USP6NL: variants seen among roughly 807,000 people sequenced by gnomAD.
USP6NL encodes USP6 N-terminal-like protein.
In USP6NL, 26 loss-of-function variants were observed where a neutral mutation model predicts 61.9. The ratio of observed to expected loss-of-function variants is 0.42; its 90% CI spans 0.31 to 0.58. USP6NL has a LOEUF of 0.58. Among genes scored for constraint, USP6NL ranks in the 20% least tolerant of loss-of-function variants. USP6NL has a pLI of 0.16. For synonymous variants in USP6NL, 432 were observed against 390.1 expected, an observed-to-expected ratio of 1.11 and a Z score of -1.27; for missense variants, 1,114 against 1,034.3, an observed-to-expected ratio of 1.08 and a Z score of -1.06.
intron 4 of USP6NL, among the ~76,000 whole-genome samples, chr10:11,519,140 G>A (rs959061301): frequency 6.6e-6 from 1 of 152,136 alleles, no homozygotes; most frequent in Non-Finnish European, 1.5e-5. Flanking sequence ...CTGTTCCCAC[G>A]AAACTTTTAC....
At chr10:11,471,934 C>A (rs1474221906) in intron 14 of USP6NL, among the ~76,000 whole-genome samples, 1 of 150,330 alleles carries the variant, frequency 6.7e-6, no homozygotes, top group Non-Finnish European at 1.5e-5. Flanking sequence ...ATGTAACAAA[C>A]CTGCACATTG....
rs1228944527 is a variant in USP6NL at position 11,575,905 on chromosome 10, TGAGGGGAAATACGG to T, written c.4+21712_4+21725del. On this transcript the variant is annotated intron_variant, in intron 2 of 14. Coordinates refer to ENST00000609104, the MANE Select transcript of USP6NL (RefSeq NM_014688.5). The surrounding 1 kb of genome is among the most constrained non-coding windows in gnomAD (Gnocchi z 4.2). ...AGATTAGATAGTAGGCCAAAAAGGG[TGAGGGGAAATACGG>T]GACATTTTGGGAGAAGAGGTGAAAT... Among the ~76,000 whole-genome samples, 1 of 151,492 alleles carries T rather than the reference TGAGGGGAAATACGG, an allele frequency of 6.6e-6. No individual in the cohort carries two copies. Among genetic ancestry groups the T allele is most frequent in the Non-Finnish European group, 1.5e-5 (1 of 67,882 alleles).
Position 11,485,251 on chromosome 10 carries a change from C to T in USP6NL, c.760-17G>A. ...TTGAGAATCCTGAAAAAACAAAGAG[C>T]TCACAATTTATGGATTGTAGCAAAC... On this transcript the variant is annotated splice_polypyrimidine_tract_variant and intron_variant, in intron 11 of 14. Coordinates refer to ENST00000609104, the MANE Select transcript of USP6NL (RefSeq NM_014688.5). The surrounding 1 kb of genome is among the most constrained non-coding windows in gnomAD (Gnocchi z 4.8). 2 of 1,513,708 alleles carry T rather than the reference C, an allele frequency of 1.3e-6. No individual in the cohort carries two copies. The highest frequency in any genetic ancestry group is 2.5e-5 in the East Asian group (1 of 40,620). The allele number at this position is 1,513,708 out of a possible 1,614,324, so 93.8% of individuals were successfully genotyped here.
intron 2 of USP6NL, among the ~76,000 whole-genome samples, chr10:11,593,814 C>T (rs548683104): frequency 5.3e-5 from 8 of 152,322 alleles, no homozygotes; most frequent in African/African-American, 1.7e-4. Context: ...TGGGCTGAGA[C>T]GTTAGAGCCA....
chr10:11,597,748 A>G lies in USP6NL; in HGVS notation c.-83-31T>C, dbSNP rs1838378133. The G allele has an allele frequency of 1.3e-6, 1 of 788,880 alleles. No homozygotes were observed. The highest frequency in any genetic ancestry group is 1.7e-5 in the South Asian group (1 of 59,768). The allele number at this position is 788,880 out of a possible 1,614,324, so 48.9% of individuals were successfully genotyped here. A position where few individuals can be genotyped will look rare whatever the true frequency, so the allele number is the denominator to read the frequency against. On this transcript the variant is annotated intron_variant, in intron 1 of 14. Coordinates refer to ENST00000609104, the MANE Select transcript of USP6NL (RefSeq NM_014688.5). This position sits in a 1 kb window ranked among gnomAD's most constrained non-coding sequence, Gnocchi z 4.6. ...CAGGAAACAAAGAGAAAGAAATAGT[A>G]TTTTCTAGAGGTCAATATTTAAAAT...
chr10:11,463,568 G>A lies in USP6NL; in HGVS notation c.1360C>T (p.Pro454Ser), dbSNP rs761220024. ...KDEADFQRKLPSGPQDSSRQY... is the reference protein window; with the variant it reads ...KDEADFQRKLSSGPQDSSRQY... Reference sequence around the variant, plus strand: ...CTGGAACTGTCCTGTGGACCCGATGGGAGTTTTCTTTGAAAATCTGCCTCA... The same window carrying A: ...CTGGAACTGTCCTGTGGACCCGATGAGAGTTTTCTTTGAAAATCTGCCTCA... Residue 454 changes from proline (P) to serine (S), a missense_variant, in exon 15 of 15, where the codon CCA (proline) becomes TCA (serine). Coordinates refer to ENST00000609104, the MANE Select transcript of USP6NL (RefSeq NM_014688.5). The surrounding 1 kb of genome is among the most constrained non-coding windows in gnomAD (Gnocchi z 6.3). The A allele has an allele frequency of 2.5e-6, 4 of 1,613,992 alleles. No individual in the cohort carries two copies. Among genetic ancestry groups the A allele is most frequent in the South Asian group, 2.2e-5 (2 of 91,084 alleles).
chr10:11,610,912 G>A (rs1398013415), intron 1 of USP6NL, among the ~76,000 whole-genome samples: 2 of 152,186 alleles, frequency 1.3e-5, no homozygotes, highest in East Asian at 1.9e-4. Flanking sequence ...ACCAGCCTAG[G>A]GTTGTGAGCG....
intron 2 of USP6NL, among the ~76,000 whole-genome samples, chr10:11,568,298 C>T (rs1010720818): frequency 6.6e-6 from 1 of 152,130 alleles, no homozygotes; most frequent in African/African-American, 2.4e-5. Flanking sequence ...ATATGAATGT[C>T]AATGCTCTGT....
rs1280487467 is a variant in USP6NL at position 11,553,042 on chromosome 10, G to A, written c.5-25475C>T. Among the ~76,000 whole-genome samples, 3 of 151,872 alleles carry A rather than the reference G, an allele frequency of 2.0e-5. No individual in the cohort carries two copies. Among genetic ancestry groups the A allele is most frequent in the East Asian group, 1.9e-4 (1 of 5,188 alleles). ...TATGACTATGTGTACCCATTGTTTC[G>A]CTCCTACTTATAAGTGAGAACACTG... On this transcript the variant is annotated intron_variant, in intron 2 of 14. Transcript: ENST00000609104. The surrounding 1 kb of genome is among the most constrained non-coding windows in gnomAD (Gnocchi z 4.8).
rs755424769 is a variant in USP6NL, at chr10:11,540,236, T to C, written c.5-12669A>G. Among the ~76,000 whole-genome samples the C allele has an allele frequency of 5.3e-4, 80 of 152,324 alleles. No individual in the cohort carries two copies. Among genetic ancestry groups the C allele is most frequent in the Non-Finnish European group, 1.0e-3 (68 of 68,024 alleles). ...TGGAGATGAATGGTATTCTGAAGAA[T>C]CCAAGAACAATTTATATGAAATATT... On this transcript the variant is annotated intron_variant, in intron 2 of 14. Transcript: ENST00000609104. The surrounding 1 kb of genome is among the most constrained non-coding windows in gnomAD (Gnocchi z 5.0).
rs1274939706 is a variant in USP6NL at position 11,491,452 on chromosome 10, G to A, written c.495-572C>T. On this transcript the variant is annotated intron_variant, in intron 8 of 14. Coordinates refer to ENST00000609104, the MANE Select transcript of USP6NL (RefSeq NM_014688.5). The surrounding 1 kb of genome is among the most constrained non-coding windows in gnomAD (Gnocchi z 4.7). ...CCTGCAAGCTTGGGTTCTGCTGGTC[G>A]AGAGATCTTAGTTCCAAAAGGAGGA... Among the ~76,000 whole-genome samples the A allele has an allele frequency of 1.3e-5, 2 of 152,178 alleles. No homozygotes were observed. The highest frequency in any genetic ancestry group is 2.9e-5 in the Non-Finnish European group (2 of 68,032).
intron 2 of USP6NL, among the ~76,000 whole-genome samples, chr10:11,555,451 T>TATATAGAGAGAGAGAG (rs1427219382): frequency 8.2e-5 from 5 of 61,004 alleles, no homozygotes; most frequent in East Asian, 9.7e-4. Flanking sequence ...TATATATATA[T>TATATAGAGAGAGAGAG]AGAGAGAGAG....
chr10:11,475,301 C>CAA (rs766814955), intron 14 of USP6NL, among the ~76,000 whole-genome samples: 16,030 of 127,346 alleles, frequency 0.13, 1,312 homozygotes, highest in East Asian at 0.43. Context: ...GAAAGTTTGC[C>CAA]AAAAAAAAAA....
intron 1 of USP6NL, among the ~76,000 whole-genome samples, chr10:11,610,289 C>G (rs1246721641): frequency 1.3e-5 from 2 of 152,178 alleles, no homozygotes; most frequent in African/African-American, 4.8e-5. Flanking sequence ...AAAAGAATGG[C>G]AAACCAGGAA....
At chr10:11,494,217 C>T (rs983691448) in intron 7 of USP6NL, among the ~76,000 whole-genome samples, 13 of 152,146 alleles carry the variant, frequency 8.5e-5, no homozygotes, top group Admixed American at 2.6e-4. Context: ...TATTCTGTTT[C>T]TTTATGTGCA....
intron 2 of USP6NL, among the ~76,000 whole-genome samples, chr10:11,538,983 G>A (rs990505315): frequency 1.3e-5 from 2 of 152,214 alleles, no homozygotes; most frequent in Non-Finnish European, 2.9e-5. Flanking sequence ...GTGGCTGGGT[G>A]TGCTTCCATC....
intron 14 of USP6NL, among the ~76,000 whole-genome samples, chr10:11,473,686 C>T (rs779582864): frequency 3.9e-5 from 6 of 152,114 alleles, no homozygotes; most frequent in Non-Finnish European, 8.8e-5. Context: ...TGTCTGACCT[C>T]GGGCAGGTAC....
intron 2 of USP6NL, among the ~76,000 whole-genome samples, chr10:11,568,994 A>G (rs887744503): frequency 6.6e-6 from 1 of 152,244 alleles, no homozygotes; most frequent in Non-Finnish European, 1.5e-5. Flanking sequence ...GACAATGAAC[A>G]CTGTCTGTCA....
At position 11,521,921 on chromosome 10, in the gene USP6NL, T is replaced by C. The variant is rs1323249282; in HGVS notation, c.156-3347A>G. Reference sequence around the variant, plus strand: ...TCATTATCCAAATACCAAACATTCTTTGTTAAGTAGACTAGCAGTGACTAT... The same window carrying C: ...TCATTATCCAAATACCAAACATTCTCTGTTAAGTAGACTAGCAGTGACTAT... On this transcript the variant is annotated intron_variant, in intron 4 of 14. Coordinates refer to ENST00000609104, the MANE Select transcript of USP6NL (RefSeq NM_014688.5). 3.3e-5 allele frequency among the ~76,000 whole-genome samples: 5 copies of C among 152,232 alleles called. No homozygotes were observed. The South Asian group carries it at 8.3e-4, about 25-fold the overall frequency.
Sources: gnomAD v4.1 joint callset for allele counts (sites outside exome capture counted in the v4.1 genomes callset) on GRCh38, gnomAD v4.1.1 for gene constraint, Gnocchi (gnomAD v3.1) non-coding constraint, MANE v1.5 for transcripts, NCBI Gene and HGNC (gene_info 2026-07-23, HGNC 2026-07-21) for gene names.